The following RSPO2 variants were observed in gnomAD, a reference collection of about 807,000 sequenced individuals.
RSPO2 encodes the protein R-spondin 2, also known as R-spondin-2.
In RSPO2, 14 loss-of-function variants were observed where a neutral mutation model predicts 30.9. That is an observed-to-expected ratio of 0.45 (90% CI 0.30 to 0.71). RSPO2 has a LOEUF of 0.71. RSPO2 is among the 30% of genes least tolerant of loss of function. RSPO2 has a pLI of 0.08. For missense variants in RSPO2, 264 were observed against 301.9 expected (o/e 0.87, Z 0.93); for synonymous variants, 107 against 96.4 (o/e 1.11, Z -0.64).
chr8:107,980,574 A>G (rs1397067290), intron 3 of RSPO2, among the ~76,000 whole-genome samples: 1 of 152,244 alleles, frequency 6.6e-6, no homozygotes, highest in African/African-American at 2.4e-5. Flanking sequence ...TGTAATCAGA[A>G]TACAGTCCCT....
At chr8:108,021,878 C>T (rs1355325254) in intron 2 of RSPO2, among the ~76,000 whole-genome samples, 1 of 151,986 alleles carries the variant, frequency 6.6e-6, no homozygotes, top group African/African-American at 2.4e-5. Flanking sequence ...ATCACCATGG[C>T]ACATGTATAC....
chr8:108,039,405 T>C (rs1410876430), intron 2 of RSPO2, among the ~76,000 whole-genome samples: 1 of 152,106 alleles, frequency 6.6e-6, no homozygotes, highest in African/African-American at 2.4e-5. Context: ...TGAGTTCAAT[T>C]ATACAGGGGG....
Position 107,960,664 on chromosome 8 carries a change from A to C in RSPO2, c.427+10T>G, listed in dbSNP as rs1466880664. 2 of 1,603,888 alleles carry C rather than the reference A, an allele frequency of 1.2e-6. No homozygotes were observed. The highest frequency in any genetic ancestry group is 2.7e-5 in the African/African-American group (2 of 74,302). On this transcript the variant is annotated intron_variant, in intron 4 of 5. Coordinates refer to ENST00000276659, the MANE Select transcript of RSPO2 (RefSeq NM_178565.5). ...GTTGCAGATTGAGAGTTACATTAAA[A>C]ACTACTCACCCACACATTCCATGGT...
chr8:108,005,207 C>T (rs1815411734), intron 2 of RSPO2, among the ~76,000 whole-genome samples: 1 of 152,130 alleles, frequency 6.6e-6, no homozygotes, highest in Admixed American at 6.5e-5. Context: ...GCACACGATG[C>T]ATTTTGGTCC....
chr8:107,936,008 T>C (rs2130360055), intron 5 of RSPO2, among the ~76,000 whole-genome samples: 1 of 152,274 alleles, frequency 6.6e-6, no homozygotes, highest in Middle Eastern at 3.4e-3. Flanking sequence ...TTGTTAACTA[T>C]AGCCACCCTA....
At chr8:107,965,319 A>C (rs1813764695) in intron 3 of RSPO2, among the ~76,000 whole-genome samples, 1 of 152,192 alleles carries the variant, frequency 6.6e-6, no homozygotes, top group East Asian at 1.9e-4. Flanking sequence ...TTTGGCAAGA[A>C]GGGCTTAACC....
At chr8:107,962,709 A>G (rs1182442463) in intron 3 of RSPO2, among the ~76,000 whole-genome samples, 2 of 152,172 alleles carry the variant, frequency 1.3e-5, no homozygotes, top group Non-Finnish European at 2.9e-5. Context: ...AAAAACAAGC[A>G]GCCCTTCCTG....
At chr8:107,947,951 C>T (rs535665499) in intron 5 of RSPO2, among the ~76,000 whole-genome samples, 54 of 152,344 alleles carry the variant, frequency 3.5e-4, no homozygotes, top group African/African-American at 1.2e-3. Context: ...TCTTTCCTCA[C>T]AGTGTTCTGT....
chr8:108,077,685 C>T (rs1400587545), intron 2 of RSPO2, among the ~76,000 whole-genome samples: 6 of 152,062 alleles, frequency 3.9e-5, no homozygotes, highest in Non-Finnish European at 7.4e-5. Context: ...TATAAATATA[C>T]ATTATGTATA....
At chr8:108,075,691 A>G (rs1248699560) in intron 2 of RSPO2, among the ~76,000 whole-genome samples, 1 of 150,776 alleles carries the variant, frequency 6.6e-6, no homozygotes, top group African/African-American at 2.4e-5. Context: ...TTTTTTTTTA[A>G]TTTTTCTTTA....
chr8:107,951,889 G>A (rs1321742849), intron 5 of RSPO2, among the ~76,000 whole-genome samples: 4 of 152,066 alleles, frequency 2.6e-5, no homozygotes, highest in Non-Finnish European at 5.9e-5. Flanking sequence ...GCCCAAGACT[G>A]AATCTAATTT....
At chr8:107,996,164 T>C (rs770560740) in intron 2 of RSPO2, among the ~76,000 whole-genome samples, 1 of 152,122 alleles carries the variant, frequency 6.6e-6, no homozygotes, top group Non-Finnish European at 1.5e-5. Flanking sequence ...CTGGGAATAC[T>C]GACAGGCTGT....
chr8:108,055,512 G>A (rs1219434575), intron 2 of RSPO2, among the ~76,000 whole-genome samples: 1 of 152,148 alleles, frequency 6.6e-6, no homozygotes, highest in Admixed American at 6.5e-5. Flanking sequence ...TCAGTGGGAA[G>A]GCCATGGACA....
intron 5 of RSPO2, among the ~76,000 whole-genome samples, chr8:107,903,235 T>TC (rs1377971437): frequency 1.3e-5 from 2 of 152,130 alleles, no homozygotes; most frequent in African/African-American, 4.8e-5. Flanking sequence ...GCCTGGAGTT[T>TC]CTTTTAAAAG....
At chr8:107,996,970 A>C (rs1815049239) in intron 2 of RSPO2, 1 of 451,040 alleles carries the variant, frequency 2.2e-6, no homozygotes, top group Non-Finnish European at 4.4e-6. Flanking sequence ...CCCTTAAAGC[A>C]AAAGTGATGT....
In RSPO2 at chr8:108,057,055, C is replaced by CAA. The variant is rs56727719; in HGVS notation, c.94+25488_94+25489dup. Among the ~76,000 whole-genome samples the CAA allele has an allele frequency of 5.1e-3, 183 of 36,078 alleles. 33 individuals carry two copies. The highest frequency in any genetic ancestry group is 8.8e-3 in the South Asian group (5 of 570). The allele number at this position is 36,078 out of a possible 152,430, so 23.7% of individuals were successfully genotyped here. ...CTGGCAACAGAGTGAGACTCTGTCTCAAAAAAAAAAAAAAAAAAAAAAAAA... is the reference window on the plus strand; with the variant it reads ...CTGGCAACAGAGTGAGACTCTGTCTCAAAAAAAAAAAAAAAAAAAAAAAAAAA... On this transcript the variant is annotated intron_variant, in intron 2 of 5. Coordinates refer to ENST00000276659, the MANE Select transcript of RSPO2 (RefSeq NM_178565.5).
chr8:108,000,908 A>G (rs561460379), intron 2 of RSPO2, among the ~76,000 whole-genome samples: 1 of 152,224 alleles, frequency 6.6e-6, no homozygotes, highest in Non-Finnish European at 1.5e-5. Context: ...AGGCTGAGGC[A>G]GGAGAATGGC....
At chr8:107,905,627 TAA>T (rs1278249615) in intron 5 of RSPO2, among the ~76,000 whole-genome samples, 1 of 152,036 alleles carries the variant, frequency 6.6e-6, no homozygotes, top group African/African-American at 2.4e-5. Context: ...TCAAAGCCAC[TAA>T]AACTTAGGGA....
At chr8:108,065,381 T>C (rs1351866402) in intron 2 of RSPO2, among the ~76,000 whole-genome samples, 1 of 152,002 alleles carries the variant, frequency 6.6e-6, no homozygotes, top group African/African-American at 2.4e-5. Context: ...AGCAAGAGTT[T>C]TACGAGCCAC....
Sources: gnomAD v4.1 joint callset for allele counts (sites outside exome capture counted in the v4.1 genomes callset) on GRCh38, gnomAD v4.1.1 for gene constraint, MANE v1.5 for transcripts, NCBI Gene and HGNC (gene_info 2026-07-23, HGNC 2026-07-21) for gene names.